Variants in SLC9A4 observed in about 807,000 individuals in gnomAD.
SLC9A4 encodes the protein solute carrier family 9 member A4.
In SLC9A4, 63 loss-of-function variants were observed where a neutral mutation model predicts 67.4. That is an observed-to-expected ratio of 0.93 (90% confidence interval 0.76 to 1.15). The LOEUF (loss-of-function observed/expected upper bound fraction) is 1.15. Among genes scored for constraint, SLC9A4 ranks in the 50% most tolerant of loss-of-function variants. The pLI, the probability that SLC9A4 is intolerant of heterozygous loss-of-function variation, is 0.00. For missense variants in SLC9A4, 1,089 were observed against 987.7 expected (o/e 1.10, Z -1.38); for synonymous variants, 393 against 367.2 (o/e 1.07, Z -0.80).
intron 2 of SLC9A4, among the ~76,000 whole-genome samples, chr2:102,501,555 A>G (rs1305737660): frequency 6.6e-6 from 1 of 152,052 alleles, no homozygotes. Context: ...AAAAACAACA[A>G]TCTTTTATAA....
At chr2:102,522,029 A>G (rs1685431345) in intron 9 of SLC9A4, among the ~76,000 whole-genome samples, 2 of 152,260 alleles carry the variant, frequency 1.3e-5, no homozygotes, top group Admixed American at 6.5e-5. Context: ...ATGGGTGGAA[A>G]ACTTAAGGGA....
At chr2:102,507,154 G>C (rs866795376) in intron 4 of SLC9A4, among the ~76,000 whole-genome samples, 12 of 152,142 alleles carry the variant, frequency 7.9e-5, no homozygotes, top group African/African-American at 2.9e-4. Flanking sequence ...TAAGAACCTC[G>C]CTCAAGGTCA....
intron 11 of SLC9A4, among the ~76,000 whole-genome samples, chr2:102,530,515 A>G (rs1474759547): frequency 6.6e-6 from 1 of 152,204 alleles, no homozygotes; most frequent in Non-Finnish European, 1.5e-5. Flanking sequence ...TGCAAGTCAC[A>G]TACCCATGCC....
chr2:102,511,042 G>A (rs73944376), intron 6 of SLC9A4, among the ~76,000 whole-genome samples: 1,765 of 152,288 alleles, frequency 0.012, 38 homozygotes, highest in African/African-American at 0.039. Context: ...CCAGTGATTG[G>A]GAACATGTGG....
At chr2:102,506,021 G>C (rs1387868282) in intron 4 of SLC9A4, among the ~76,000 whole-genome samples, 1 of 152,126 alleles carries the variant, frequency 6.6e-6, no homozygotes, top group Admixed American at 6.6e-5. Flanking sequence ...TTCATTTGAG[G>C]GTTGAGTGCA....
chr2:102,505,170 A>C (rs1273445840), intron 3 of SLC9A4, 84 bp from the exon 4 acceptor site: 1 of 1,227,370 alleles, frequency 8.1e-7, no homozygotes, highest in Non-Finnish European at 1.2e-6. Context: ...GGCTTCATGC[A>C]TCTGTGGCAT....
At chr2:102,501,819 A>T (rs2104431175) in intron 2 of SLC9A4, among the ~76,000 whole-genome samples, 1 of 151,898 alleles carries the variant, frequency 6.6e-6, no homozygotes, top group Non-Finnish European at 1.5e-5. Flanking sequence ...TGGAGACACT[A>T]AGTGTCTCCA....
chr2:102,521,921 G>A (rs114290780), intron 9 of SLC9A4, among the ~76,000 whole-genome samples: 1,978 of 152,258 alleles, frequency 0.013, 32 homozygotes, highest in African/African-American at 0.045. Flanking sequence ...CAGTTGATCC[G>A]AAACTGAGCT....
intron 2 of SLC9A4, among the ~76,000 whole-genome samples, chr2:102,494,310 T>C (rs1684762443): frequency 6.6e-6 from 1 of 151,830 alleles, no homozygotes; most frequent in Non-Finnish European, 1.5e-5. Flanking sequence ...GTTAAGGATG[T>C]TACTGTAGAG....
At chr2:102,510,833 G>T (rs180797694) in intron 6 of SLC9A4, among the ~76,000 whole-genome samples, 17 of 152,330 alleles carry the variant, frequency 1.1e-4, no homozygotes, top group Admixed American at 1.0e-3. Flanking sequence ...AGATGAATAT[G>T]ACACTGGGCA....
chr2:102,526,601 T>G (rs147163478), intron 11 of SLC9A4, among the ~76,000 whole-genome samples: 2 of 152,208 alleles, frequency 1.3e-5, no homozygotes, highest in Non-Finnish European at 2.9e-5. Context: ...AAAAATGTAC[T>G]AACCATTTGT....
At chr2:102,481,118 G>A (rs111719600) in intron 2 of SLC9A4, among the ~76,000 whole-genome samples, 246 of 152,270 alleles carry the variant, frequency 1.6e-3, no homozygotes, top group Middle Eastern at 0.01. Flanking sequence ...TCCAGGGATC[G>A]GCGTGGGGAG....
At chr2:102,475,103 T>A (rs1489476689) in intron 1 of SLC9A4, among the ~76,000 whole-genome samples, 6 of 152,194 alleles carry the variant, frequency 3.9e-5, no homozygotes, top group Admixed American at 6.5e-5. Context: ...TAAATAGGAA[T>A]GTTAGTTTGA....
At chr2:102,528,669 A>T (rs575438263) in intron 11 of SLC9A4, among the ~76,000 whole-genome samples, 1 of 152,230 alleles carries the variant, frequency 6.6e-6, no homozygotes, top group South Asian at 2.1e-4. Context: ...AGCATTATAA[A>T]CAAAATACAG....
chr2:102,527,206 C>T (rs1573358768), intron 11 of SLC9A4, among the ~76,000 whole-genome samples: 2 of 152,220 alleles, frequency 1.3e-5, no homozygotes, highest in East Asian at 3.9e-4. Flanking sequence ...TTGGTGAGCA[C>T]CCTTCTAGAA....
At chr2:102,510,358 C>T (rs1205038150) in intron 6 of SLC9A4, among the ~76,000 whole-genome samples, 1 of 151,894 alleles carries the variant, frequency 6.6e-6, no homozygotes, top group East Asian at 1.9e-4. Flanking sequence ...TTAGGGCTGG[C>T]TAGGAAAGCC....
intron 7 of SLC9A4, among the ~76,000 whole-genome samples, 154 bp downstream of exon 7, chr2:102,512,427 G>T (rs533273240): frequency 6.6e-6 from 1 of 152,350 alleles, no homozygotes; most frequent in African/African-American, 2.4e-5. Flanking sequence ...TCCAGGGCAT[G>T]CTAAGCCTGG....
chr2:102,522,965 T>C (rs1050415511), intron 9 of SLC9A4, among the ~76,000 whole-genome samples: 3 of 152,076 alleles, frequency 2.0e-5, no homozygotes, highest in Admixed American at 2.0e-4. Context: ...GTTTATGCCT[T>C]CTTTTCTTTT....
At chr2:102,510,506 T>A (rs1685146087) in intron 6 of SLC9A4, among the ~76,000 whole-genome samples, 1 of 152,140 alleles carries the variant, frequency 6.6e-6, no homozygotes, top group African/African-American at 2.4e-5. Flanking sequence ...ACTGAATCAG[T>A]CCCACCCAGA....
Sources: gnomAD v4.1 joint callset for allele counts (sites outside exome capture counted in the v4.1 genomes callset) on GRCh38, gnomAD v4.1.1 for gene constraint, MANE v1.5 for transcripts, NCBI Gene and HGNC (gene_info 2026-07-23, HGNC 2026-07-21) for gene names.